Variants in NLRP9 observed in about 807,000 individuals in gnomAD.
The protein encoded by NLRP9 is NACHT, LRR and PYD domains-containing protein 9.
A neutral mutation model predicts 83.1 loss-of-function variants in NLRP9; 88 were observed. The observed-to-expected ratio is 1.06, with a 90% CI of 0.89 to 1.26. The LOEUF (loss-of-function observed/expected upper bound fraction) is 1.26. Among genes scored for constraint, NLRP9 ranks in the 50% most tolerant of loss-of-function variants. The pLI is 0.00. For synonymous variants in NLRP9, 521 were observed against 447.6 expected (o/e 1.16, Z -2.07); for missense variants, 1,308 against 1,179.3 (o/e 1.11, Z -1.60).
In NLRP9 at chr19:55,733,018, G is replaced by T; in HGVS notation, c.813C>A (p.Leu271=). ...LQKKMLPESS[L]LIALGKLAMQ... ...TAGCCAGTTTTCCTAATGCAATAAG[G>T]AGAGAGGATTCTGGAAGCATCTTTT... is the stretch of plus-strand genomic sequence containing the variant. Residue 271 remains leucine (L), a synonymous_variant, in exon 2 of 9, where the codon CTC becomes CTA. Transcript: ENST00000332836. 6.2e-7 allele frequency: 1 copy of T among 1,614,026 alleles called. No individual in the cohort carries two copies. The highest frequency in any genetic ancestry group is 8.5e-7 in the Non-Finnish European group (1 of 1,180,006).
At chr19:55,720,000 C>G (rs570149391) in intron 4 of NLRP9, among the ~76,000 whole-genome samples, 40 of 152,072 alleles carry the variant, frequency 2.6e-4, no homozygotes, top group African/African-American at 8.9e-4. Context: ...TGTAAAAGAA[C>G]AAAAGAAAGA....
chr19:55,733,299 T>A lies in NLRP9; in HGVS notation c.532A>T (p.Arg178Trp). 6.2e-7 allele frequency: 1 copy of A among 1,614,022 alleles called. No homozygotes were observed. ...DWAEGNLWKD[R>W]FTFVFFLNVC... Reference sequence around the variant, plus strand: ...TTGAGGAAAAACACAAATGTGAACCTGTCCTTCCATAAGTTTCCCTCTGCC... The same window carrying A: ...TTGAGGAAAAACACAAATGTGAACCAGTCCTTCCATAAGTTTCCCTCTGCC... The change falls in exon 2 of 9, where the codon AGG becomes TGG. Residue 178 changes from arginine to tryptophan, a missense_variant. Physicochemically the swap from Arg to Trp is moderately radical, Grantham distance 101 (BLOSUM62 -3). Transcript: ENST00000332836.
intron 3 of NLRP9, among the ~76,000 whole-genome samples, chr19:55,727,569 T>C (rs1727422194): frequency 6.6e-6 from 1 of 152,228 alleles, no homozygotes; most frequent in South Asian, 2.1e-4. Context: ...ATACTGCTTA[T>C]GCGTTATAAT....
chr19:55,712,444 G>T lies in NLRP9; in HGVS notation c.2648C>A (p.Pro883His). The T allele has an allele frequency of 6.2e-7, 1 of 1,612,690 alleles. No homozygotes were observed. The highest frequency in any genetic ancestry group is 8.5e-7 in the Non-Finnish European group (1 of 1,179,760). The change falls in exon 7 of 9, where the codon CCT becomes CAT. Residue 883 changes from proline (P) to histidine (H), a missense_variant. Coordinates refer to ENST00000332836, the MANE Select transcript of NLRP9 (RefSeq NM_176820.4). Reference sequence around the variant, plus strand: ...CCCGAGACACTCTAATTTACAGTGAGGATGCTGCAAAGCTGCACATAACTG... The same window carrying T: ...CCCGAGACACTCTAATTTACAGTGATGATGCTGCAAAGCTGCACATAACTG... Reference protein sequence around the residue: ...VRQLCAALQHPHCKLECLGLQ... With the variant: ...VRQLCAALQHHHCKLECLGLQ...
Position 55,716,732 on chromosome 19 carries a change from G to C in NLRP9, c.2326C>G (p.Leu776Val), listed in dbSNP as rs750308326. ...LKHSHCALERLMLMYCCLTSV... is the reference protein window; with the variant it reads ...LKHSHCALERVMLMYCCLTSV... ...GCTTCCCGCAGACCAACTTACATCA[G>C]CCTCTCCAGGGCACAGTGTGAGTGC... Residue 776 changes from leucine (L) to valine (V), a missense_variant, in exon 5 of 9, where the codon CTG becomes GTG. By Grantham distance (32) the Leu-to-Val change is conservative. Transcript: ENST00000332836. 3.1e-6 allele frequency: 5 copies of C among 1,613,080 alleles called. No individual in the cohort carries two copies. Among genetic ancestry groups the C allele is most frequent in the Non-Finnish European group, 4.2e-6 (5 of 1,179,250 alleles).
intron 3 of NLRP9, among the ~76,000 whole-genome samples, chr19:55,728,534 T>C (rs1383827286): frequency 1.3e-5 from 2 of 152,082 alleles, no homozygotes; most frequent in South Asian, 2.1e-4. Flanking sequence ...ATCATTCCAC[T>C]GCACTCCAGC....
At chr19:55,724,589 AT>A (rs1000982909) in intron 3 of NLRP9, among the ~76,000 whole-genome samples, 265 of 146,284 alleles carry the variant, frequency 1.8e-3, no homozygotes, top group Middle Eastern at 3.5e-3. Flanking sequence ...TAAAATTAAG[AT>A]TTTTTTTTTT....
rs1359023558 is a variant in NLRP9 at position 55,738,208 on chromosome 19, G to T, written c.167C>A (p.Ala56Glu). ...ELKKASKEDV[A>E]KLLDKHYPGK... ...TGGGTAATGTTTGTCCAGCAGCTTT[G>T]CTACATCTTCTTTGGAGGCCTTCTT... The change falls in exon 1 of 9, where the codon GCA (alanine) becomes GAA (glutamate). Residue 56 changes from alanine (A) to glutamate (E), a missense_variant. Coordinates refer to ENST00000332836, the MANE Select transcript of NLRP9 (RefSeq NM_176820.4). The T allele has an allele frequency of 1.9e-6, 3 of 1,614,116 alleles. No individual in the cohort carries two copies. In the South Asian group the frequency reaches 3.3e-5, roughly 18 times the overall value.
intron 3 of NLRP9, among the ~76,000 whole-genome samples, chr19:55,727,670 T>G (rs1041801437): frequency 6.6e-6 from 1 of 152,194 alleles, no homozygotes; most frequent in Non-Finnish European, 1.5e-5. Flanking sequence ...TTAGAAATTC[T>G]TTTGAGTCAG....
Position 55,732,786 on chromosome 19 carries a change from G to C in NLRP9, c.1045C>G (p.Gln349Glu), listed in dbSNP as rs749720676. 1 of 1,614,142 alleles carries C rather than the reference G, an allele frequency of 6.2e-7. No homozygotes were observed. Among genetic ancestry groups the C allele is most frequent in the South Asian group, 1.1e-5 (1 of 91,080 alleles). The change falls in exon 2 of 9, where the codon CAG becomes GAG. Residue 349 changes from glutamine (Q) to glutamate (E), a missense_variant. Coordinates refer to ENST00000332836, the MANE Select transcript of NLRP9 (RefSeq NM_176820.4). ...TCWLVCTCVK[Q>E]RLERGEDLEI... ...AGGTCTTCTCCCCTCTCTAGCCTCT[G>C]TTTCACACAAGTACAGACCAACCAG...
At chr19:55,723,481 C>T (rs1196538261) in intron 4 of NLRP9, among the ~76,000 whole-genome samples, 1 of 152,030 alleles carries the variant, frequency 6.6e-6, no homozygotes, top group Admixed American at 6.6e-5. Flanking sequence ...AATCCCAGTA[C>T]TTTAGGAGGT....
chr19:55,737,930 G>A (rs577899278), intron 1 of NLRP9, among the ~76,000 whole-genome samples, 165 bp downstream of exon 1: 86 of 152,002 alleles, frequency 5.7e-4, no homozygotes, highest in Non-Finnish European at 1.0e-3. Context: ...TTCATCGCTG[G>A]CCCACATATG....
At chr19:55,734,986 G>A (rs1988747731) in intron 1 of NLRP9, among the ~76,000 whole-genome samples, 1 of 152,176 alleles carries the variant, frequency 6.6e-6, no homozygotes, top group Non-Finnish European at 1.5e-5. Flanking sequence ...GAGAAATGGG[G>A]AAGGGAGAAG....
chr19:55,723,832 C>T, intron 4 of NLRP9, 148 bp downstream of exon 4: 1 of 583,178 alleles, frequency 1.7e-6, no homozygotes, highest in Non-Finnish European at 2.9e-6. Context: ...AATCTACCTT[C>T]ACCTTATGAG....
At chr19:55,714,164 G>A (rs1327042804) in intron 6 of NLRP9, among the ~76,000 whole-genome samples, 1 of 151,838 alleles carries the variant, frequency 6.6e-6, no homozygotes, top group Admixed American at 6.6e-5. Flanking sequence ...CCTAGCAGAG[G>A]GAATGAATGA....
chr19:55,713,355 T>C (rs1200558298), intron 6 of NLRP9, among the ~76,000 whole-genome samples: 1 of 151,648 alleles, frequency 6.6e-6, no homozygotes, highest in African/African-American at 2.4e-5. Context: ...AGTTAATAGA[T>C]GATAAATGAC....
At chr19:55,734,604 TACACACAC>T (rs35062004) in intron 1 of NLRP9, among the ~76,000 whole-genome samples, 10 of 132,288 alleles carry the variant, frequency 7.6e-5, no homozygotes, top group African/African-American at 2.5e-4. Context: ...TACATACACA[TACACACAC>T]ACACACACAT....
intron 1 of NLRP9, among the ~76,000 whole-genome samples, chr19:55,733,877 T>G (rs1053265766): frequency 1.4e-4 from 22 of 152,084 alleles, no homozygotes; most frequent in Admixed American, 1.1e-3. Context: ...TCCTTTATTT[T>G]GATCCCAGGT....
At chr19:55,711,274 A>G (rs1490145098) in intron 8 of NLRP9, 2 of 713,558 alleles carry the variant, frequency 2.8e-6, no homozygotes, top group African/African-American at 1.9e-5. Context: ...TTAAAAATTA[A>G]AAAAATAAAA....
Sources: gnomAD v4.1 joint callset for allele counts (sites outside exome capture counted in the v4.1 genomes callset) on GRCh38, gnomAD v4.1.1 for gene constraint, MANE v1.5 for transcripts, NCBI Gene and HGNC (gene_info 2026-07-23, HGNC 2026-07-21) for gene names.